The following TBC1D1 variants were observed in gnomAD, a reference collection of about 807,000 sequenced individuals.
TBC1D1 encodes TBC1 (tre-2/USP6, BUB2, cdc16) domain family, member 1.
In TBC1D1, 89 loss-of-function variants were observed where a neutral mutation model predicts 125.6. The observed-to-expected ratio is 0.71, with a 90% CI of 0.60 to 0.85. The LOEUF is 0.85. TBC1D1 is among the 40% of genes least tolerant of loss of function. TBC1D1 has a pLI of 0.00. For missense variants in TBC1D1, 1,377 were observed against 1,469.2 expected, an observed-to-expected ratio of 0.94 and a Z score of 1.03; for synonymous variants, 565 against 564.1, an observed-to-expected ratio of 1.00 and a Z score of -0.02.
rs542401288 is a variant in TBC1D1, at chr4:38,095,643, G to T, written c.2237-286G>T. 2.6e-5 allele frequency among the ~76,000 whole-genome samples: 4 copies of T among 152,284 alleles called. No homozygotes were observed. In the South Asian group the frequency reaches 8.3e-4, roughly 32 times the overall value. ...TGGGGAGGCTCATAGTTTGATAGGGGTAAGATGGAAAGAATTGGGCAGATG... is the reference window on the plus strand; with the variant it reads ...TGGGGAGGCTCATAGTTTGATAGGGTTAAGATGGAAAGAATTGGGCAGATG... On this transcript the variant is annotated intron_variant, in intron 13 of 19. Coordinates refer to ENST00000261439, the MANE Select transcript of TBC1D1 (RefSeq NM_015173.4).
At chr4:37,925,787 A>C (rs1447540073) in intron 2 of TBC1D1, among the ~76,000 whole-genome samples, 1 of 152,048 alleles carries the variant, frequency 6.6e-6, no homozygotes. Flanking sequence ...CCACCCTATA[A>C]TCATGCCACT....
At chr4:38,064,904 C>T (rs1183685191) in intron 12 of TBC1D1, among the ~76,000 whole-genome samples, 13 of 150,892 alleles carry the variant, frequency 8.6e-5, no homozygotes, top group African/African-American at 2.2e-4. Context: ...GGATTACAGG[C>T]GTGAGCCACC....
intron 2 of TBC1D1, among the ~76,000 whole-genome samples, chr4:37,997,306 A>T (rs1046720186): frequency 1.3e-5 from 2 of 152,194 alleles, no homozygotes; most frequent in Admixed American, 6.5e-5. Context: ...ACTGCCATCT[A>T]AAGTTTTTGG....
chr4:37,891,188 G>C lies in TBC1D1; in HGVS notation c.-254G>C, dbSNP rs1259476822. The C allele has an allele frequency of 2.0e-5, 3 of 152,816 alleles. No homozygotes were observed. Among genetic ancestry groups the C allele is most frequent in the African/African-American group, 7.2e-5 (3 of 41,430 alleles). 9.5% of individuals were successfully genotyped at this position (152,816 alleles called of 1,614,324 possible). ...CCTCAGCTGGGTGGAGAAGAGGCGG[G>C]CGCCGAGCCGAGGGGAGCCCCCTCC... On this transcript the variant is annotated 5_prime_UTR_variant, in exon 1 of 20. Coordinates refer to ENST00000261439, the MANE Select transcript of TBC1D1 (RefSeq NM_015173.4).
intron 2 of TBC1D1, among the ~76,000 whole-genome samples, chr4:38,012,410 G>T (rs2152423817): frequency 6.6e-6 from 1 of 152,072 alleles, no homozygotes; most frequent in Non-Finnish European, 1.5e-5. Context: ...GAGTAGTGGG[G>T]ACTGCAGGCG....
At chr4:38,045,631 T>C (rs980288734) in intron 9 of TBC1D1, among the ~76,000 whole-genome samples, 186 bp from the exon 10 acceptor site, 1 of 152,238 alleles carries the variant, frequency 6.6e-6, no homozygotes, top group Admixed American at 6.5e-5. Flanking sequence ...TTTAGGTTAG[T>C]GTCTTATTTA....
chr4:38,084,299 AAAT>A (rs1757105544), intron 12 of TBC1D1, among the ~76,000 whole-genome samples: 1 of 152,234 alleles, frequency 6.6e-6, no homozygotes. Flanking sequence ...CAACTGTAGG[AAAT>A]AATCAGGTTC....
chr4:38,015,771 T>C (rs1354344249), intron 3 of TBC1D1, among the ~76,000 whole-genome samples: 1 of 152,226 alleles, frequency 6.6e-6, no homozygotes, highest in Non-Finnish European at 1.5e-5. Context: ...TTCTTGTGTC[T>C]AATTCAGGGC....
intron 10 of TBC1D1, among the ~76,000 whole-genome samples, chr4:38,049,279 C>A (rs1750035735): frequency 6.6e-6 from 1 of 152,136 alleles, no homozygotes. Context: ...TTCTCCAGCA[C>A]TCACACCCCT....
At chr4:38,132,249 C>T (rs542320299) in intron 18 of TBC1D1, among the ~76,000 whole-genome samples, 17 of 150,720 alleles carry the variant, frequency 1.1e-4, no homozygotes, top group South Asian at 6.3e-4. Context: ...ATCAGATAAA[C>T]GTTAGGGCTT....
chr4:38,114,887 T>C (rs1423189163), intron 15 of TBC1D1, among the ~76,000 whole-genome samples: 1 of 152,064 alleles, frequency 6.6e-6, no homozygotes, highest in African/African-American at 2.4e-5. Flanking sequence ...TACGGAGATA[T>C]GCATGTGGTA....
intron 12 of TBC1D1, among the ~76,000 whole-genome samples, chr4:38,058,584 A>T (rs1055735195): frequency 6.6e-6 from 1 of 152,250 alleles, no homozygotes; most frequent in Non-Finnish European, 1.5e-5. Flanking sequence ...CACCTATTTC[A>T]GGTGCTCAAA....
In TBC1D1 at chr4:37,919,086, T is replaced by TAA. The variant is rs58659751; in HGVS notation, c.417+16588_417+16589dup. On this transcript the variant is annotated intron_variant, in intron 2 of 19. Transcript: ENST00000261439. ...GCTTGAAGACTTACGCCCCCATCTT[T>TAA]AAAAAAAAAAAAAAACTGGAAATGT... Among the ~76,000 whole-genome samples the TAA allele has an allele frequency of 3.6e-3, 513 of 143,640 alleles. 2 individuals carry two copies. Among genetic ancestry groups the TAA allele is most frequent in the South Asian group, 7.7e-3 (35 of 4,552 alleles). 94.2% of individuals were successfully genotyped at this position (143,640 alleles called of 152,430 possible).
chr4:38,115,298 C>A (rs940715261), intron 15 of TBC1D1, among the ~76,000 whole-genome samples: 1 of 151,936 alleles, frequency 6.6e-6, no homozygotes, highest in Non-Finnish European at 1.5e-5. Context: ...GATGGGGTTT[C>A]GCCATGTTGG....
rs764592822 is a variant in TBC1D1 at position 38,133,099 on chromosome 4, A to T, written c.3148A>T (p.Ile1050Phe). 6.2e-7 allele frequency: 1 copy of T among 1,610,622 alleles called. No individual in the cohort carries two copies. Among genetic ancestry groups the T allele is most frequent in the African/African-American group, 1.3e-5 (1 of 74,652 alleles). The change falls in exon 19 of 20, where the codon ATC becomes TTC. Residue 1050 changes from isoleucine (I) to phenylalanine (F), a missense_variant. Physicochemically the swap from Ile to Phe is conservative, Grantham distance 21. This residue lies in a region of TBC1D1 where 543 missense variants were observed against 613.5 expected (regional missense o/e 0.89). Transcript: ENST00000261439. ...TCTATAACAGGTATTTGAAATGGAC[A>T]TCGCTAAACAGTTACAAGCTTATGA...
At chr4:38,132,463 C>T (rs1268626129) in intron 18 of TBC1D1, among the ~76,000 whole-genome samples, 2 of 152,186 alleles carry the variant, frequency 1.3e-5, no homozygotes, top group East Asian at 1.9e-4. Context: ...GTGGTGTTTT[C>T]GTCACCATTA....
At chr4:38,117,484 T>G (rs1182833718) in intron 16 of TBC1D1, among the ~76,000 whole-genome samples, 5 of 152,250 alleles carry the variant, frequency 3.3e-5, no homozygotes, top group Non-Finnish European at 7.3e-5. Context: ...TGTCTTCTTG[T>G]TTTAACTTGC....
intron 17 of TBC1D1, among the ~76,000 whole-genome samples, chr4:38,123,794 C>T (rs1005802976): frequency 2.0e-5 from 3 of 152,208 alleles, no homozygotes; most frequent in African/African-American, 4.8e-5. Context: ...CAGAGGATCT[C>T]GAGGGCTATC....
chr4:37,942,755 T>C (rs1182389067), intron 2 of TBC1D1, among the ~76,000 whole-genome samples: 1 of 152,184 alleles, frequency 6.6e-6, no homozygotes, highest in East Asian at 1.9e-4. Context: ...TTAGCCAGGA[T>C]GGTCTCGATC....
Sources: allele counts gnomAD v4.1 joint callset (sites outside exome capture counted in the v4.1 genomes callset), GRCh38; gene constraint gnomAD v4.1.1; regional missense constraint gnomAD v4.1.1; transcripts MANE v1.5; gene names NCBI Gene and HGNC (gene_info 2026-07-23, HGNC 2026-07-21).